SGPP2: variants seen among roughly 807,000 people sequenced by gnomAD.
The protein encoded by SGPP2 is sphingosine 1-phosphate phosphohydrolase 2.
In SGPP2, 30 loss-of-function variants were observed where a neutral mutation model predicts 33.9. The ratio of observed to expected loss-of-function variants is 0.89; its 90% CI spans 0.66 to 1.20. The LOEUF (loss-of-function observed/expected upper bound fraction) is 1.20. Among genes scored for constraint, SGPP2 ranks in the 50% most tolerant of loss-of-function variants. The probability of loss-of-function intolerance (pLI) is 0.00; values close to 1 mark genes in which losing one functional copy is unlikely to be tolerated. For synonymous variants in SGPP2, 233 were observed against 225.0 expected, an observed-to-expected ratio of 1.04 and a Z score of -0.32; for missense variants, 458 against 532.1, an observed-to-expected ratio of 0.86 and a Z score of 1.37.
chr2:222,532,254 A>G (rs1326014903), intron 4 of SGPP2, among the ~76,000 whole-genome samples: 1 of 152,206 alleles, frequency 6.6e-6, no homozygotes, highest in African/African-American at 2.4e-5. Flanking sequence ...AGCCTGGGCA[A>G]CAAGAGTGAA....
At position 222,477,507 on chromosome 2, in the gene SGPP2, GTA is replaced by G. The variant is rs1295486567; in HGVS notation, c.378+2789_378+2790del. On this transcript the variant is annotated intron_variant, in intron 2 of 4. Transcript: ENST00000321276. This position sits in a 1 kb window ranked among gnomAD's most constrained non-coding sequence, Gnocchi z 6.0. ...TATAGGTGTGTATATATGTTTATGT[GTA>G]TATATATGTCTGTGTATATATGTGT... is the stretch of plus-strand genomic sequence containing the variant. Among the ~76,000 whole-genome samples, 3 of 151,794 alleles carry G rather than the reference GTA, an allele frequency of 2.0e-5. No homozygotes were observed. Among genetic ancestry groups the G allele is most frequent in the Non-Finnish European group, 2.9e-5 (2 of 67,910 alleles).
intron 1 of SGPP2, among the ~76,000 whole-genome samples, chr2:222,471,733 A>G (rs563959763): frequency 6.6e-6 from 1 of 152,326 alleles, no homozygotes; most frequent in Admixed American, 6.5e-5. Flanking sequence ...CAGATCTCTA[A>G]GAGTCTTGAG....
At position 222,559,950 on chromosome 2, in the gene SGPP2, TTC is replaced by T. The variant is rs1689506748; in HGVS notation, c.*1053_*1054del. The T allele has an allele frequency of 6.6e-6, 1 of 152,296 alleles. No individual in the cohort carries two copies. The highest frequency in any genetic ancestry group is 1.5e-5 in the Non-Finnish European group (1 of 68,102). The allele number at this position is 152,296 out of a possible 1,614,324, so 9.4% of individuals were successfully genotyped here. A position where few individuals can be genotyped will look rare whatever the true frequency, so the allele number is the denominator to read the frequency against. On this transcript the variant is annotated 3_prime_UTR_variant, in exon 5 of 5. Coordinates refer to ENST00000321276, the MANE Select transcript of SGPP2 (RefSeq NM_152386.4). ...CCTTGTTTCCATGCATTTTGCAGGA[TTC>T]CAGGTACCATTACCACACTCTTCTG...
rs1300811774 is a variant in SGPP2 at position 222,454,259 on chromosome 2, A to G, written c.220-20309A>G. ...TGGTGTTTATCTTTCTCAAAAAGAT[A>G]ACGGGAAATATGACTCAGGTGGCTC... On this transcript the variant is annotated intron_variant, in intron 1 of 4. Transcript: ENST00000321276. 5.3e-5 allele frequency among the ~76,000 whole-genome samples: 8 copies of G among 152,232 alleles called. No individual in the cohort carries two copies. The East Asian group carries it at 1.5e-3, about 29-fold the overall frequency.
intron 1 of SGPP2, among the ~76,000 whole-genome samples, chr2:222,473,008 G>A (rs11692574): frequency 0.064 from 9,745 of 151,646 alleles, 389 homozygotes; most frequent in South Asian, 0.16. Context: ...AGCGAGACTC[G>A]GTCTCAAAAA....
chr2:222,466,214 A>G (rs1008643227), intron 1 of SGPP2, among the ~76,000 whole-genome samples: 14 of 150,470 alleles, frequency 9.3e-5, no homozygotes, highest in African/African-American at 3.4e-4. Flanking sequence ...TGTTCTATGT[A>G]GACATGGCCC....
intron 4 of SGPP2, among the ~76,000 whole-genome samples, chr2:222,546,825 C>CAAA (rs5838955): frequency 2.1e-4 from 24 of 116,608 alleles, no homozygotes; most frequent in African/African-American, 5.1e-4. Context: ...ACACATGTTG[C>CAAA]AAAAAAAAAA....
intron 1 of SGPP2, among the ~76,000 whole-genome samples, chr2:222,462,234 A>G (rs1574842912): frequency 3.3e-5 from 5 of 152,280 alleles, no homozygotes; most frequent in Admixed American, 3.3e-4. Context: ...TTATTTGGTC[A>G]GGTTAAGGAA....
At position 222,525,048 on chromosome 2, in the gene SGPP2, T is replaced by G. The variant is rs377747131; in HGVS notation, c.648+15T>G. The G allele has an allele frequency of 1.9e-6, 3 of 1,603,806 alleles. No individual in the cohort carries two copies. In the African/African-American group the frequency reaches 4.0e-5, roughly 21 times the overall value. On this transcript the variant is annotated intron_variant, in intron 4 of 4. Transcript: ENST00000321276. The stretch of plus-strand genomic sequence containing the variant: ...ATACGGTCCTGGTAAGGCTTTGTGG[T>G]CAGGTCTTGTGGTGATTGTTTGAAT...
At chr2:222,499,596 G>A (rs142040745) in intron 2 of SGPP2, among the ~76,000 whole-genome samples, 2 of 152,262 alleles carry the variant, frequency 1.3e-5, no homozygotes, top group East Asian at 1.9e-4. Flanking sequence ...AAAAGAGGAC[G>A]TGTTGGGGGA....
chr2:222,456,908 T>C (rs1286319580), intron 1 of SGPP2, among the ~76,000 whole-genome samples: 6 of 152,210 alleles, frequency 3.9e-5, no homozygotes, highest in African/African-American at 1.4e-4. Context: ...AAATCACCCT[T>C]TCTAGGATTA....
At chr2:222,493,855 C>A (rs1698235768) in intron 2 of SGPP2, among the ~76,000 whole-genome samples, 1 of 152,096 alleles carries the variant, frequency 6.6e-6, no homozygotes, top group South Asian at 2.1e-4. Context: ...ACAGACCAAA[C>A]CAAAATGGAG....
At chr2:222,538,331 A>G (rs1333585385) in intron 4 of SGPP2, among the ~76,000 whole-genome samples, 1 of 152,378 alleles carries the variant, frequency 6.6e-6, no homozygotes, top group East Asian at 1.9e-4. Context: ...GTACTCCTGC[A>G]TATGAGAGAA....
At chr2:222,558,273 AC>A (rs1689451026) in intron 4 of SGPP2, 73 bp from the exon 5 acceptor site, 1 of 1,458,968 alleles carries the variant, frequency 6.9e-7, no homozygotes, top group African/African-American at 1.4e-5. Flanking sequence ...AATTAGCCAT[AC>A]TTGATTCAAA....
chr2:222,508,533 A>AT lies in SGPP2; in HGVS notation c.379-13231dup, dbSNP rs370874592. 6.6e-3 allele frequency among the ~76,000 whole-genome samples: 1,006 copies of AT among 152,322 alleles called. 9 individuals are homozygous for AT. The highest frequency in any genetic ancestry group is 0.026 in the South Asian group (125 of 4,826). On this transcript the variant is annotated intron_variant, in intron 2 of 4. Transcript: ENST00000321276. ...AATCATTGCACAAATGTCAGTTATT[A>AT]TTTAACCCAACTCCTTTCTTATAAT...
At chr2:222,521,972 A>G in intron 3 of SGPP2, 26 bp downstream of exon 3, 1 of 1,480,160 alleles carries the variant, frequency 6.8e-7, no homozygotes, top group Non-Finnish European at 9.0e-7. Context: ...TCTTCTTCCT[A>G]CCCACCTACT....
At chr2:222,474,817 T>A in intron 2 of SGPP2, 91 bp downstream of exon 2, 14 of 145,574 alleles carry the variant, frequency 9.6e-5, no homozygotes, top group South Asian at 3.0e-4. Context: ...GTTCTTTCTT[T>A]TTTTTTTTTT....
chr2:222,434,554 A>T (rs1256022742), intron 1 of SGPP2, among the ~76,000 whole-genome samples: 1 of 152,180 alleles, frequency 6.6e-6, no homozygotes, highest in Non-Finnish European at 1.5e-5. Context: ...CCAAATGCTC[A>T]TTGGCAGTGC....
chr2:222,511,617 GC>G (rs1205855250), intron 2 of SGPP2, among the ~76,000 whole-genome samples: 1 of 152,216 alleles, frequency 6.6e-6, no homozygotes, highest in African/African-American at 2.4e-5. Flanking sequence ...CTTAGGGCAA[GC>G]CACACGTTGA....
Sources: gnomAD v4.1 joint callset for allele counts (sites outside exome capture counted in the v4.1 genomes callset) on GRCh38, gnomAD v4.1.1 for gene constraint, Gnocchi (gnomAD v3.1) non-coding constraint, MANE v1.5 for transcripts, NCBI Gene and HGNC (gene_info 2026-07-23, HGNC 2026-07-21) for gene names.